ACSM2B: variants seen among roughly 807,000 people sequenced by gnomAD.
ACSM2B encodes the protein acyl-CoA synthetase medium chain family member 2B.
A neutral mutation model predicts 78.6 loss-of-function variants in ACSM2B; 58 were observed. The ratio of observed to expected loss-of-function variants is 0.74; its 90% CI spans 0.60 to 0.92. ACSM2B has a LOEUF of 0.92. Ranked by LOEUF, ACSM2B falls within the 40% of genes least tolerant of loss-of-function variation. ACSM2B has a pLI of 0.00. For missense variants in ACSM2B, 688 were observed against 711.2 expected, an observed-to-expected ratio of 0.97 and a Z score of 0.37; for synonymous variants, 257 against 256.8, an observed-to-expected ratio of 1.00 and a Z score of -0.01.
chr16:20,552,228 C>T lies in ACSM2B; in HGVS notation c.810G>A (p.Leu270=), dbSNP rs745409570. 6.2e-7 allele frequency: 1 copy of T among 1,613,796 alleles called. No individual in the cohort carries two copies. The highest frequency in any genetic ancestry group is 1.7e-5 in the Admixed American group (1 of 59,994). The change falls in exon 6 of 14, where the codon TTG becomes TTA. Residue 270 remains leucine, a synonymous_variant. Coordinates refer to ENST00000329697, the MANE Select transcript of ACSM2B (RefSeq NM_001105069.2). ...ATGTCCAAGATTCCAAAAGTGAGCC[C>T]AAGATGTTCAGTATCCAACCTGTGT... The part of the protein sequence containing the change: ...ISDTGWILNI[L]GSLLESWTLG...
rs532478308 is a variant in ACSM2B, at chr16:20,558,469, C to T, written c.388+768G>A. On this transcript the variant is annotated intron_variant, in intron 3 of 13. Coordinates refer to ENST00000329697, the MANE Select transcript of ACSM2B (RefSeq NM_001105069.2). ...ATGCAATTATTAAACTCTTCTCTAC[C>T]ACAACTCCTACTGTTTTCAGTGTTT... is the stretch of plus-strand genomic sequence containing the variant. 9.3e-3 allele frequency among the ~76,000 whole-genome samples: 1,337 copies of T among 143,980 alleles called. 17 individuals carry two copies. The highest frequency in any genetic ancestry group is 0.026 in the African/African-American group (1,063 of 40,868). 94.5% of individuals were successfully genotyped at this position (143,980 alleles called of 152,430 possible).
At chr16:20,566,997 T>C (rs1189067606) in intron 1 of ACSM2B, among the ~76,000 whole-genome samples, 4 of 122,892 alleles carry the variant, frequency 3.3e-5, no homozygotes, top group African/African-American at 9.0e-5. Flanking sequence ...ATATTATATA[T>C]ATCTGTGTAT....
intron 6 of ACSM2B, among the ~76,000 whole-genome samples, chr16:20,548,916 G>A (rs1450510144): frequency 6.6e-6 from 1 of 152,046 alleles, no homozygotes; most frequent in Non-Finnish European, 1.5e-5. Flanking sequence ...AAATATTTTT[G>A]GGATATATTT....
intron 1 of ACSM2B, among the ~76,000 whole-genome samples, chr16:20,571,100 C>T (rs1596741047): frequency 6.6e-6 from 1 of 151,676 alleles, no homozygotes; most frequent in East Asian, 1.9e-4. Context: ...TATTTCCTTT[C>T]TTATGCTGGG....
chr16:20,538,680 C>T (rs1567203383), intron 13 of ACSM2B, among the ~76,000 whole-genome samples: 1 of 152,122 alleles, frequency 6.6e-6, no homozygotes, highest in Non-Finnish European at 1.5e-5. Context: ...ACACTGCACA[C>T]TGTGTGATAG....
At chr16:20,563,122 A>T (rs1212262454) in intron 2 of ACSM2B, among the ~76,000 whole-genome samples, 1 of 152,172 alleles carries the variant, frequency 6.6e-6, no homozygotes, top group East Asian at 1.9e-4. Flanking sequence ...TTCCACTAAG[A>T]TGTCTTGTGA....
At chr16:20,566,731 ATAG>A (rs1325556042) in intron 1 of ACSM2B, among the ~76,000 whole-genome samples, 24 of 18,754 alleles carry the variant, frequency 1.3e-3, no homozygotes, top group African/African-American at 3.3e-3. Flanking sequence ...TATACTATAT[ATAG>A]TATATACTAT....
At chr16:20,562,084 T>C (rs1354789933) in intron 2 of ACSM2B, among the ~76,000 whole-genome samples, 2 of 152,198 alleles carry the variant, frequency 1.3e-5, no homozygotes, top group South Asian at 2.1e-4. Context: ...ACTGTGAACA[T>C]GAGTGTACAC....
intron 1 of ACSM2B, 138 bp from the exon 2 acceptor site, chr16:20,564,991 G>C (rs1267624151): frequency 3.2e-6 from 4 of 1,238,396 alleles, no homozygotes; most frequent in Non-Finnish European, 4.3e-6. Context: ...GAGTAAATTG[G>C]CACTCTGCAT....
intron 5 of ACSM2B, among the ~76,000 whole-genome samples, chr16:20,553,499 G>A (rs1264252597): frequency 6.6e-6 from 1 of 152,192 alleles, no homozygotes; most frequent in Non-Finnish European, 1.5e-5. Flanking sequence ...ATCAGCCTGG[G>A]GAAATGCACG....
rs762734989 is a variant in ACSM2B at position 20,553,822 on chromosome 16, T to C, written c.695A>G (p.Glu232Gly). ...SGTSGLPKMA[E>G]HSYSSLGLKA... is the part of the protein sequence containing the mutation. ...GAGGCCCAGGCTCGAGTAGGAATGT[T>C]CTGCCATCTTGGGAAGACCACTGGT... The change falls in exon 5 of 14, where the codon GAA (glutamate) becomes GGA (glycine). Residue 232 changes from glutamate (E) to glycine (G), a missense_variant. Glu to Gly is a moderately conservative substitution (Grantham distance 98, BLOSUM62 -2). Transcript: ENST00000329697. 6.2e-7 allele frequency: 1 copy of C among 1,612,918 alleles called. No homozygotes were observed. The highest frequency in any genetic ancestry group is 2.2e-5 in the East Asian group (1 of 44,818).
Position 20,537,160 on chromosome 16 carries a change from T to C in ACSM2B, c.*98A>G. 2 of 1,416,542 alleles carry C rather than the reference T, an allele frequency of 1.4e-6. No homozygotes were observed. The highest frequency in any genetic ancestry group is 1.9e-5 in the Admixed American group (1 of 53,010). 87.7% of individuals were successfully genotyped at this position (1,416,542 alleles called of 1,614,324 possible). On this transcript the variant is annotated 3_prime_UTR_variant, in exon 14 of 14. Transcript: ENST00000329697. ...AAGACAAAACTTACATTCATGTTCT[T>C]TCATAAAGAATCTCATATCATCATA...
chr16:20,574,265 A>G (rs1239304449), intron 1 of ACSM2B: 1 of 152,068 alleles, frequency 6.6e-6, no homozygotes, highest in East Asian at 1.9e-4. Context: ...CCTTATAGTT[A>G]TCTTCCATTG....
chr16:20,557,569 A>G (rs1174755071), intron 3 of ACSM2B, among the ~76,000 whole-genome samples: 1 of 152,144 alleles, frequency 6.6e-6, no homozygotes, highest in Non-Finnish European at 1.5e-5. Context: ...CAAACAGAGG[A>G]TGATCATGTA....
intron 8 of ACSM2B, 122 bp from the exon 9 acceptor site, chr16:20,546,596 C>G: frequency 7.1e-7 from 1 of 1,407,442 alleles, no homozygotes; most frequent in Non-Finnish European, 9.4e-7. Flanking sequence ...CTTGGTGGCT[C>G]CCCCTGCTCC....
chr16:20,558,136 T>C (rs1351526633), intron 3 of ACSM2B, among the ~76,000 whole-genome samples: 2 of 152,252 alleles, frequency 1.3e-5, no homozygotes, highest in South Asian at 2.1e-4. Context: ...ATAGATTACA[T>C]CATTATGGTA....
chr16:20,574,291 T>G (rs2016183963), intron 1 of ACSM2B: 1 of 152,168 alleles, frequency 6.6e-6, no homozygotes, highest in Non-Finnish European at 1.5e-5. Flanking sequence ...TGAAAATCAC[T>G]GATATTCTGT....
At position 20,555,478 on chromosome 16, in the gene ACSM2B, T is replaced by C. The variant is rs1281304955; in HGVS notation, c.389-2A>G. The C allele has an allele frequency of 3.1e-6, 5 of 1,611,740 alleles. No homozygotes were observed. ...TGGTTCCAGGCATAAAGATGAGACC[T>C]AAAGAAGCCAACAATTTAGAGAATT... On this transcript the variant is annotated splice_acceptor_variant, in intron 3 of 13. Transcript: ENST00000329697. LOFTEE classifies it high-confidence loss of function.
chr16:20,547,865 T>C, intron 8 of ACSM2B, 197 bp downstream of exon 8: 1 of 1,307,216 alleles, frequency 7.6e-7, no homozygotes, highest in Non-Finnish European at 1.0e-6. Context: ...TGGAATGTAA[T>C]CTCCCAGAAA....
Sources: allele counts gnomAD v4.1 joint callset (sites outside exome capture counted in the v4.1 genomes callset), GRCh38; gene constraint gnomAD v4.1.1; transcripts MANE v1.5; gene names NCBI Gene and HGNC (gene_info 2026-07-23, HGNC 2026-07-21).